The following BABAM2 variants were observed in gnomAD, a reference collection of about 807,000 sequenced individuals.
BABAM2 encodes BRISC and BRCA1 A complex member 2.
Under a neutral mutation model 54.7 loss-of-function variants are expected in BABAM2, and 31 were observed. The observed-to-expected ratio is 0.57, with a 90% CI of 0.43 to 0.77. The LOEUF (loss-of-function observed/expected upper bound fraction) is 0.77. BABAM2 is among the 30% of genes least tolerant of loss of function. The pLI is 0.00. For missense variants in BABAM2, 364 were observed against 455.8 expected (o/e 0.80, Z 1.83); for synonymous variants, 167 against 162.9 (o/e 1.03, Z -0.19).
At position 28,192,517 on chromosome 2, in the gene BABAM2, CTTTTTTTTTTTT is replaced by C. The variant is rs58587872; in HGVS notation, c.681-44674_681-44663del. Among the ~76,000 whole-genome samples the C allele has an allele frequency of 1.3e-4, 16 of 120,592 alleles. No individual in the cohort carries two copies. In the South Asian group the frequency reaches 4.7e-3, roughly 36 times the overall value. 79.1% of individuals were successfully genotyped at this position (120,592 alleles called of 152,430 possible). A position where few individuals can be genotyped will look rare whatever the true frequency, so the allele number is the denominator to read the frequency against. ...TATTCATTTGACTGGGTTTATAGCT[CTTTTTTTTTTTT>C]TTTTTTTTTTGAAACAGAGTCTCAC... On this transcript the variant is annotated intron_variant, in intron 7 of 11. Coordinates refer to ENST00000379624, the MANE Select transcript of BABAM2 (RefSeq NM_199191.3).
chr2:28,265,228 G>C (rs969572508), intron 10 of BABAM2, among the ~76,000 whole-genome samples: 6 of 152,262 alleles, frequency 3.9e-5, no homozygotes, highest in Admixed American at 1.3e-4. Context: ...CTGAGGTCAG[G>C]AGTTCAAGAC....
chr2:28,231,221 G>A (rs879283331), intron 7 of BABAM2, among the ~76,000 whole-genome samples: 9 of 152,050 alleles, frequency 5.9e-5, no homozygotes, highest in African/African-American at 1.9e-4. Context: ...GGCAAAAGTG[G>A]GAGCTCAATA....
chr2:28,203,621 G>A (rs1337928455), intron 7 of BABAM2, among the ~76,000 whole-genome samples: 4 of 152,192 alleles, frequency 2.6e-5, no homozygotes, highest in South Asian at 4.1e-4. Flanking sequence ...TAAAAATATA[G>A]TAGGTTGTTT....
At chr2:28,042,073 G>A (rs1205601564) in intron 5 of BABAM2, among the ~76,000 whole-genome samples, 1 of 152,114 alleles carries the variant, frequency 6.6e-6, no homozygotes, top group African/African-American at 2.4e-5. Flanking sequence ...AGATTTTGCC[G>A]CCACTTTGAA....
At chr2:27,908,860 A>T (rs1666379303) in intron 2 of BABAM2, among the ~76,000 whole-genome samples, 1 of 152,130 alleles carries the variant, frequency 6.6e-6, no homozygotes, top group Admixed American at 6.5e-5. Flanking sequence ...CACCAGCAAG[A>T]CACAAGGGTT....
chr2:28,315,389 G>C (rs2148292268), intron 11 of BABAM2, among the ~76,000 whole-genome samples: 1 of 150,964 alleles, frequency 6.6e-6, no homozygotes, highest in South Asian at 2.1e-4. Context: ...TTTTCTGTAG[G>C]CAGTAAGGTA....
intron 4 of BABAM2, among the ~76,000 whole-genome samples, chr2:27,993,215 G>A (rs1326767350): frequency 6.6e-6 from 1 of 152,152 alleles, no homozygotes; most frequent in African/African-American, 2.4e-5. Flanking sequence ...CACTGGATTG[G>A]CAGCTTCAGG....
intron 4 of BABAM2, among the ~76,000 whole-genome samples, chr2:28,011,043 T>C (rs1346081419): frequency 2.6e-5 from 4 of 152,190 alleles, no homozygotes; most frequent in African/African-American, 4.8e-5. Flanking sequence ...TGGGGTTAGA[T>C]AGTGAGGACC....
At chr2:28,327,277 A>T (rs761758954) in intron 11 of BABAM2, 2 of 1,600,308 alleles carry the variant, frequency 1.2e-6, no homozygotes, top group South Asian at 2.2e-5. Flanking sequence ...GCACCAGGGG[A>T]TGCCAAGGGA....
intron 3 of BABAM2, among the ~76,000 whole-genome samples, chr2:27,966,967 G>A (rs748840579): frequency 8.5e-5 from 13 of 152,138 alleles, no homozygotes; most frequent in South Asian, 4.1e-4. Context: ...CTCTCTTCTT[G>A]TGGGGTTGTC....
At chr2:28,184,303 C>CCT (rs1573780144) in intron 7 of BABAM2, among the ~76,000 whole-genome samples, 1 of 113,822 alleles carries the variant, frequency 8.8e-6, no homozygotes. Context: ...TCCCTCTCTC[C>CCT]CTCTCTCTCT....
chr2:27,920,803 G>T (rs76502550), intron 2 of BABAM2, among the ~76,000 whole-genome samples: 58 of 152,278 alleles, frequency 3.8e-4, no homozygotes, highest in African/African-American at 1.4e-3. Context: ...GTGGCTTGAA[G>T]AATAGAAATG....
chr2:28,289,079 C>T (rs1206635021), intron 10 of BABAM2, among the ~76,000 whole-genome samples: 3 of 151,776 alleles, frequency 2.0e-5, no homozygotes, highest in African/African-American at 7.3e-5. Context: ...CACACACACA[C>T]ACACGATTAT....
In BABAM2 at chr2:28,105,791, G is replaced by C. The variant is rs1382220674; in HGVS notation, c.571-23480G>C. Among the ~76,000 whole-genome samples, 3 of 152,254 alleles carry C rather than the reference G, an allele frequency of 2.0e-5. No homozygotes were observed. The East Asian group carries it at 5.8e-4, about 29-fold the overall frequency. On this transcript the variant is annotated intron_variant, in intron 6 of 11. Transcript: ENST00000379624. ...GAGATTATTCCAGGTAGACTTCTTT[G>C]ACCAAGCATGGTGAGATTCTTTAAT...
chr2:28,016,228 C>T, intron 4 of BABAM2: 1 of 916,536 alleles, frequency 1.1e-6, no homozygotes, highest in Non-Finnish European at 1.7e-6. Context: ...TGGATGAGCT[C>T]TCACTTGCAC....
chr2:28,289,630 A>G (rs1687116052), intron 10 of BABAM2, among the ~76,000 whole-genome samples: 1 of 152,178 alleles, frequency 6.6e-6, no homozygotes, highest in African/African-American at 2.4e-5. Flanking sequence ...CTCTACAAAA[A>G]AAATACAAAA....
chr2:28,228,909 G>T (rs923897279), intron 7 of BABAM2, among the ~76,000 whole-genome samples: 1 of 151,774 alleles, frequency 6.6e-6, no homozygotes, highest in Non-Finnish European at 1.5e-5. Context: ...ACAAAGACTT[G>T]GTTAGGGTTC....
chr2:28,308,387 C>T, intron 11 of BABAM2: 1 of 504,020 alleles, frequency 2.0e-6, no homozygotes, highest in Non-Finnish European at 3.9e-6. Flanking sequence ...AATAATTCAT[C>T]ATCAGGTTCC....
chr2:28,020,851 C>T (rs941881100), intron 4 of BABAM2, among the ~76,000 whole-genome samples: 4 of 151,476 alleles, frequency 2.6e-5, no homozygotes, highest in East Asian at 1.9e-4. Flanking sequence ...TCTATAAAGT[C>T]CCCCCCGTTA....
Sources: gnomAD v4.1 joint callset for allele counts (sites outside exome capture counted in the v4.1 genomes callset) on GRCh38, gnomAD v4.1.1 for gene constraint, MANE v1.5 for transcripts, NCBI Gene and HGNC (gene_info 2026-07-23, HGNC 2026-07-21) for gene names.